The following ASXL1 variants were observed in gnomAD, a reference collection of about 807,000 sequenced individuals.
ASXL1 encodes the protein polycomb group protein ASXL1.
Under a neutral mutation model 89.1 loss-of-function variants are expected in ASXL1, and 65 were observed. The observed-to-expected ratio is 0.73, with a 90% CI of 0.60 to 0.90. The LOEUF (loss-of-function observed/expected upper bound fraction) is 0.90, where lower values mean the gene tolerates loss of function less well. ASXL1 is among the 40% of genes least tolerant of loss of function. The pLI, the probability that ASXL1 is intolerant of heterozygous loss-of-function variation, is 0.00. For missense variants in ASXL1, 1,786 were observed against 1,942.9 expected (o/e 0.92, Z 1.52); for synonymous variants, 739 against 746.9 (o/e 0.99, Z 0.17).
intron 4 of ASXL1, among the ~76,000 whole-genome samples, chr20:32,388,017 G>T (rs1331782961): frequency 2.0e-5 from 3 of 152,116 alleles, no homozygotes; most frequent in Non-Finnish European, 4.4e-5. Flanking sequence ...AATAAATCCT[G>T]TTGGCTCTAT....
At chr20:32,366,912 G>A (rs1306194378) in intron 2 of ASXL1, among the ~76,000 whole-genome samples, 1 of 151,988 alleles carries the variant, frequency 6.6e-6, no homozygotes, top group Non-Finnish European at 1.5e-5. Flanking sequence ...CTTACTAATT[G>A]CAGTCATATA....
At position 32,358,723 on chromosome 20, in the gene ASXL1, C is replaced by A; in HGVS notation, c.-53C>A. On this transcript the variant is annotated 5_prime_UTR_variant, in exon 1 of 13. Transcript: ENST00000375687. ...CCCCAGCCCCGCGCCACCGCCCCAGCCCGCCCAGCCCGGAGGTCCCGCGTG... is the reference window on the plus strand; with the variant it reads ...CCCCAGCCCCGCGCCACCGCCCCAGACCGCCCAGCCCGGAGGTCCCGCGTG... The A allele has an allele frequency of 8.9e-7, 1 of 1,121,798 alleles. No homozygotes were observed. The allele number at this position is 1,121,798 out of a possible 1,614,324, so 69.5% of individuals were successfully genotyped here.
rs1490510011 is a variant in ASXL1, at chr20:32,434,283, A to C, written c.1720-149A>C. The C allele has an allele frequency of 3.8e-6, 4 of 1,054,534 alleles. No homozygotes were observed. In the East Asian group the frequency reaches 1.0e-4, roughly 27 times the overall value. The allele number at this position is 1,054,534 out of a possible 1,614,324, so 65.3% of individuals were successfully genotyped here. ...TCTCTGAATGGTGTGTTATGGCGCC[A>C]TTTTACTATGATGATTTCATTGTTT... On this transcript the variant is annotated intron_variant, in intron 12 of 12. Transcript: ENST00000375687.
At chr20:32,376,346 C>T (rs1321075973) in intron 4 of ASXL1, among the ~76,000 whole-genome samples, 2 of 152,062 alleles carry the variant, frequency 1.3e-5, no homozygotes, top group Non-Finnish European at 2.9e-5. Flanking sequence ...GCAATCTCGG[C>T]TCACTGTAAC....
chr20:32,399,747 CTTT>C (rs369127811), intron 4 of ASXL1, among the ~76,000 whole-genome samples: 7,918 of 71,330 alleles, frequency 0.11, 543 homozygotes, highest in Non-Finnish European at 0.14. Flanking sequence ...ATATTTTACT[CTTT>C]TTTTTTTTTT....
chr20:32,416,878 G>T (rs2049146899), intron 4 of ASXL1, among the ~76,000 whole-genome samples: 1 of 152,156 alleles, frequency 6.6e-6, no homozygotes, highest in South Asian at 2.1e-4. Context: ...GCTTTGTTAC[G>T]ATCATGACAT....
Position 32,435,204 on chromosome 20 carries a change from T to C in ASXL1, c.2492T>C (p.Leu831Pro). The part of the protein sequence containing the change: ...DTLEKGTGQA[L>P]DSHPTMKDPV... ...TTAGAGAAAGGAACTGGCCAAGCTCTTGACAGTCATCCCACTATGAAGGAT... is the reference window on the plus strand; with the variant it reads ...TTAGAGAAAGGAACTGGCCAAGCTCCTGACAGTCATCCCACTATGAAGGAT... The change falls in exon 13 of 13, where the codon CTT (leucine) becomes CCT (proline). Residue 831 changes from leucine to proline, a missense_variant. Leu to Pro is a moderately conservative substitution (Grantham distance 98, BLOSUM62 -3). Transcript: ENST00000375687. 1 of 1,614,022 alleles carries C rather than the reference T, an allele frequency of 6.2e-7. No individual in the cohort carries two copies. Among genetic ancestry groups the C allele is most frequent in the African/African-American group, 1.3e-5 (1 of 75,050 alleles).
At chr20:32,417,888 A>G (rs141492837) in intron 4 of ASXL1, among the ~76,000 whole-genome samples, 1,526 of 152,102 alleles carry the variant, frequency 0.01, 28 homozygotes, top group African/African-American at 0.035. Flanking sequence ...TACAAAAAAT[A>G]AAAAAGTTGG....
intron 4 of ASXL1, among the ~76,000 whole-genome samples, chr20:32,377,066 T>C (rs2048393516): frequency 7.1e-6 from 1 of 141,628 alleles, no homozygotes; most frequent in Admixed American, 7.5e-5. Flanking sequence ...GTCTATTATA[T>C]ATTATATATA....
rs2011475649 is a variant in ASXL1, at chr20:32,430,212, C to T, written c.718+159C>T. 11 of 989,652 alleles carry T rather than the reference C, an allele frequency of 1.1e-5. No homozygotes were observed. The South Asian group carries it at 2.0e-4, about 18-fold the overall frequency. 61.3% of individuals were successfully genotyped at this position (989,652 alleles called of 1,614,324 possible). A position where few individuals can be genotyped will look rare whatever the true frequency, so the allele number is the denominator to read the frequency against. ...TTTTTACTTTGTAATTTGCTTATTTCATTTGTAGCTCTCTGCTAAACTGTG... is the reference window on the plus strand; with the variant it reads ...TTTTTACTTTGTAATTTGCTTATTTTATTTGTAGCTCTCTGCTAAACTGTG... On this transcript the variant is annotated intron_variant, in intron 8 of 12. Transcript: ENST00000375687.
chr20:32,433,371 A>T lies in ASXL1; in HGVS notation c.1173A>T (p.Glu391Asp), dbSNP rs1305163905. ...AAAGTGGCTTGTGTGTCCCAGGAGA[A>T]TCAGTGCGTATACAGCGTGGTCCAG... ...EIKSGLCVPG[E>D]SVRIQRGPAT... Residue 391 changes from glutamate (E) to aspartate (D), a missense_variant, in exon 12 of 13, where the codon GAA (glutamate) becomes GAT (aspartate). Coordinates refer to ENST00000375687, the MANE Select transcript of ASXL1 (RefSeq NM_015338.6). 2.5e-6 allele frequency: 4 copies of T among 1,614,066 alleles called. No individual in the cohort carries two copies. In the African/African-American group the frequency reaches 4.0e-5, roughly 16 times the overall value.
At chr20:32,378,914 G>T (rs1300342492) in intron 4 of ASXL1, among the ~76,000 whole-genome samples, 1 of 151,776 alleles carries the variant, frequency 6.6e-6, no homozygotes, top group Non-Finnish European at 1.5e-5. Context: ...GATCACCTGA[G>T]GTCAGGAGTT....
chr20:32,422,238 T>C (rs187613917), intron 4 of ASXL1, among the ~76,000 whole-genome samples: 96 of 150,754 alleles, frequency 6.4e-4, no homozygotes, highest in Non-Finnish European at 8.9e-5. Flanking sequence ...CTTTTGGGGG[T>C]GTTGGAAATG....
In ASXL1 at chr20:32,358,825, C is replaced by T; in HGVS notation, c.50C>T (p.Ala17Val). The change falls in exon 1 of 13, where the codon GCG (alanine) becomes GTG (valine). Residue 17 changes from alanine (A) to valine (V), a missense_variant. Ala to Val is a moderately conservative substitution (Grantham distance 64). Transcript: ENST00000375687. ...AAGGAGCGCACGTGGGCCGAGGCCG[C>T]GCGCCTGGTGAGGCGGACAGCCGAG... ...KKKERTWAEA[A>V]RLVLENYSDA... The T allele has an allele frequency of 6.6e-7, 1 of 1,506,664 alleles. No homozygotes were observed. The highest frequency in any genetic ancestry group is 2.8e-5 in the East Asian group (1 of 36,096). The allele number at this position is 1,506,664 out of a possible 1,614,324, so 93.3% of individuals were successfully genotyped here. A position where few individuals can be genotyped will look rare whatever the true frequency, so the allele number is the denominator to read the frequency against.
intron 4 of ASXL1, among the ~76,000 whole-genome samples, chr20:32,388,997 A>G (rs1237934329): frequency 6.6e-6 from 1 of 151,172 alleles, no homozygotes; most frequent in Non-Finnish European, 1.5e-5. Context: ...CATCTTTTAC[A>G]CTCTATTTTA....
chr20:32,372,119 C>G, intron 4 of ASXL1: 1 of 1,343,174 alleles, frequency 7.4e-7, no homozygotes, highest in Non-Finnish European at 9.9e-7. Context: ...ATAGTACGTG[C>G]TTTATGTGTG....
At chr20:32,407,928 G>A (rs904672090) in intron 4 of ASXL1, among the ~76,000 whole-genome samples, 2 of 152,152 alleles carry the variant, frequency 1.3e-5, no homozygotes, top group African/African-American at 2.4e-5. Context: ...TTAGGTGTGC[G>A]ATTTATGTCA....
intron 4 of ASXL1, among the ~76,000 whole-genome samples, chr20:32,400,813 C>G (rs1403022424): frequency 6.6e-6 from 1 of 152,224 alleles, no homozygotes; most frequent in Admixed American, 6.5e-5. Context: ...TCTTCAGGCA[C>G]TAAGTTTGGC....
intron 4 of ASXL1, among the ~76,000 whole-genome samples, chr20:32,391,528 A>G (rs534465879): frequency 6.6e-6 from 1 of 152,310 alleles, no homozygotes; most frequent in South Asian, 2.1e-4. Context: ...TCTCTTGCCC[A>G]GGCTGGAGTG....
Sources: allele counts gnomAD v4.1 joint callset (sites outside exome capture counted in the v4.1 genomes callset), GRCh38; gene constraint gnomAD v4.1.1; transcripts MANE v1.5; gene names NCBI Gene and HGNC (gene_info 2026-07-23, HGNC 2026-07-21).